NBEAL1: variants seen among roughly 807,000 people sequenced by gnomAD.
NBEAL1 encodes neurobeachin-like protein 1.
Under a neutral mutation model 351.3 loss-of-function variants are expected in NBEAL1, and 273 were observed. The observed-to-expected ratio is 0.78, with a 90% CI of 0.70 to 0.86. The LOEUF is 0.86. Among genes scored for constraint, NBEAL1 ranks in the 40% least tolerant of loss-of-function variants. NBEAL1 has a pLI of 0.00. For synonymous variants in NBEAL1, 1,050 were observed against 1,086.4 expected (o/e 0.97, Z 0.66); for missense variants, 2,961 against 3,201.3 (o/e 0.92, Z 1.81).
intron 8 of NBEAL1, among the ~76,000 whole-genome samples, chr2:203,078,968 C>T (rs2061826008): frequency 6.6e-6 from 1 of 152,032 alleles, no homozygotes; most frequent in African/African-American, 2.4e-5. Flanking sequence ...ATGTAACTTC[C>T]AAGAAGAAAT....
intron 3 of NBEAL1, among the ~76,000 whole-genome samples, chr2:203,043,718 A>C (rs1225103974): frequency 3.3e-5 from 5 of 151,234 alleles, no homozygotes; most frequent in Non-Finnish European, 5.9e-5. Context: ...GACAGAGTAA[A>C]ACCCTGTCTC....
At chr2:203,207,296 C>T (rs1490827296) in intron 51 of NBEAL1, among the ~76,000 whole-genome samples, 1 of 149,978 alleles carries the variant, frequency 6.7e-6, no homozygotes, top group African/African-American at 2.5e-5. Flanking sequence ...GTGGGGGGGT[C>T]AGCCCCCCGC....
chr2:203,114,574 A>T (rs780951949), intron 17 of NBEAL1, among the ~76,000 whole-genome samples: 1 of 152,192 alleles, frequency 6.6e-6, no homozygotes, highest in Non-Finnish European at 1.5e-5. Context: ...TTTCAAAATT[A>T]TATGTATATT....
chr2:203,181,617 A>G (rs2064719541), intron 43 of NBEAL1: 1 of 152,170 alleles, frequency 6.6e-6, no homozygotes, highest in African/African-American at 2.4e-5. Flanking sequence ...AAGGGTTATT[A>G]CCAACTTTTT....
chr2:203,093,343 A>T (rs1368486897), intron 10 of NBEAL1, among the ~76,000 whole-genome samples: 1 of 152,054 alleles, frequency 6.6e-6, no homozygotes, highest in African/African-American at 2.4e-5. Context: ...AGTATATGAA[A>T]CTCAGATATA....
chr2:203,054,954 C>G (rs544703559), intron 4 of NBEAL1, among the ~76,000 whole-genome samples: 2 of 152,268 alleles, frequency 1.3e-5, no homozygotes, highest in South Asian at 4.1e-4. Flanking sequence ...CCCTTTTCAA[C>G]ATTGTGAGAC....
chr2:203,058,964 T>C (rs2061451806), intron 6 of NBEAL1, among the ~76,000 whole-genome samples: 1 of 152,246 alleles, frequency 6.6e-6, no homozygotes, highest in Non-Finnish European at 1.5e-5. Flanking sequence ...CAATCAGACC[T>C]CTTTTTTAAA....
intron 33 of NBEAL1, among the ~76,000 whole-genome samples, chr2:203,146,766 G>A (rs2063523786): frequency 6.6e-6 from 1 of 152,114 alleles, no homozygotes; most frequent in African/African-American, 2.4e-5. Flanking sequence ...GCACTCCAGT[G>A]TAGATGAGCA....
chr2:203,196,683 A>G lies in NBEAL1; in HGVS notation c.7039-619A>G, dbSNP rs903501595. ...TAGAACAACACCTGATACATAGTAC[A>G]TACCCAATAATGTTATCATTTACCT... On this transcript the variant is annotated intron_variant, in intron 47 of 55. Transcript: ENST00000683969. 1.9e-4 allele frequency among the ~76,000 whole-genome samples: 29 copies of G among 152,182 alleles called. 1 individual carries two copies. The highest frequency in any genetic ancestry group is 1.5e-4 in the Non-Finnish European group (10 of 68,036).
intron 39 of NBEAL1, 46 bp from the exon 40 acceptor site, chr2:203,171,882 A>G (rs748577624): frequency 8.4e-6 from 9 of 1,077,596 alleles, no homozygotes; most frequent in Non-Finnish European, 1.2e-5. Flanking sequence ...TGTCTAAGAG[A>G]TGTAGATTTT....
At chr2:203,174,328 A>G (rs1167370675) in intron 41 of NBEAL1, among the ~76,000 whole-genome samples, 1 of 151,916 alleles carries the variant, frequency 6.6e-6, no homozygotes, top group Non-Finnish European at 1.5e-5. Flanking sequence ...CCTGTTAAAA[A>G]TAGACTACTC....
intron 8 of NBEAL1, among the ~76,000 whole-genome samples, chr2:203,080,691 T>G (rs1361707622): frequency 3.9e-5 from 6 of 152,218 alleles, no homozygotes; most frequent in Non-Finnish European, 5.9e-5. Flanking sequence ...TGTGACCTTC[T>G]CCTCTTCACC....
In NBEAL1 at chr2:203,119,942, A is replaced by G. The variant is rs149925732; in HGVS notation, c.2593-2312A>G. On this transcript the variant is annotated intron_variant, in intron 18 of 55. Transcript: ENST00000683969. ...TAGTCAACAGTTTTTTTTGTACTCA[A>G]TTGTAGGAGGTATTTAATCATTCAT... is the stretch of plus-strand genomic sequence containing the variant. 1.6e-3 allele frequency among the ~76,000 whole-genome samples: 249 copies of G among 152,264 alleles called. 8 individuals are homozygous for G. The East Asian group carries it at 0.046, about 28-fold the overall frequency.
At chr2:203,039,627 C>T (rs946385310) in intron 2 of NBEAL1, among the ~76,000 whole-genome samples, 1 of 152,108 alleles carries the variant, frequency 6.6e-6, no homozygotes, top group African/African-American at 2.4e-5. Flanking sequence ...CCCCTGACCT[C>T]AGGTGATCCG....
intron 2 of NBEAL1, among the ~76,000 whole-genome samples, chr2:203,032,660 CTTTTTTTTTTT>C (rs747309074): frequency 1.3e-4 from 9 of 70,144 alleles, no homozygotes; most frequent in Admixed American, 2.5e-4. Flanking sequence ...GAAATTGTAG[CTTTTTTTTTTT>C]TTTTTTTTTT....
rs920842501 is a variant in NBEAL1 at position 203,220,645 on chromosome 2, A to G, written c.*3291A>G. 3.3e-5 allele frequency among the ~76,000 whole-genome samples: 5 copies of G among 152,204 alleles called. No individual in the cohort carries two copies. Among genetic ancestry groups the G allele is most frequent in the Non-Finnish European group, 7.3e-5 (5 of 68,042 alleles). On this transcript the variant is annotated 3_prime_UTR_variant, in exon 56 of 56. Coordinates refer to ENST00000683969, the MANE Select transcript of NBEAL1 (RefSeq NM_001378026.1). Reference sequence around the variant, plus strand: ...GGAAAATGAGATCAAGTATTAAAACATGTAATAGCTGTGCACGCTTAGAGA... The same window carrying G: ...GGAAAATGAGATCAAGTATTAAAACGTGTAATAGCTGTGCACGCTTAGAGA...
chr2:203,141,340 A>AGAT (rs1285572555), intron 31 of NBEAL1, among the ~76,000 whole-genome samples: 7 of 65,134 alleles, frequency 1.1e-4, no homozygotes, highest in Admixed American at 2.0e-4. Context: ...CAGATAAGAC[A>AGAT]GATTATTATT....
intron 4 of NBEAL1, among the ~76,000 whole-genome samples, chr2:203,054,535 G>A (rs1401535987): frequency 2.0e-5 from 3 of 151,816 alleles, no homozygotes; most frequent in Non-Finnish European, 4.4e-5. Flanking sequence ...CTCTCAAAGT[G>A]TTGGGATTAC....
intron 2 of NBEAL1, among the ~76,000 whole-genome samples, chr2:203,024,223 A>G (rs2060817571): frequency 6.6e-6 from 1 of 151,842 alleles, no homozygotes; most frequent in Non-Finnish European, 1.5e-5. Context: ...GAAAAAAAGA[A>G]AAAAGTAGTC....
Sources: gnomAD v4.1 joint callset for allele counts (sites outside exome capture counted in the v4.1 genomes callset) on GRCh38, gnomAD v4.1.1 for gene constraint, MANE v1.5 for transcripts, NCBI Gene and HGNC (gene_info 2026-07-23, HGNC 2026-07-21) for gene names.